Variants in PCDH11X observed in about 807,000 individuals in gnomAD.
PCDH11X encodes the protein protocadherin 11 X-linked, also known as protocadherin-11 X-linked.
In PCDH11X, 18 loss-of-function variants were observed where a neutral mutation model predicts 53.3. That is an observed-to-expected ratio of 0.34 (90% CI 0.23 to 0.50). The LOEUF is 0.50. PCDH11X is among the 20% of genes least tolerant of loss of function. The pLI is 0.98. For synonymous variants in PCDH11X, 279 were observed against 393.3 expected, an observed-to-expected ratio of 0.71 and a Z score of 3.44; for missense variants, 570 against 1,032.4, an observed-to-expected ratio of 0.55 and a Z score of 6.14.
At chrX:92,147,819 C>CTTTCTTTCTTTCTTTCTTTCTTTT (rs2065300378) in intron 6 of PCDH11X, among the ~76,000 whole-genome samples, 2 of 81,662 alleles carry the variant, frequency 2.4e-5, no homozygotes, top group Non-Finnish European at 4.2e-5. Context: ...TCCTTTCTTT[C>CTTTCTTTCTTTCTTTCTTTCTTTT]TTTCTTTCTT....
chrX:92,147,835 CTTTCTTTCTTTCTTTCTTTT>C (rs2065304682), intron 6 of PCDH11X, among the ~76,000 whole-genome samples: 1 of 89,269 alleles, frequency 1.1e-5, no homozygotes, highest in African/African-American at 5.6e-5. Flanking sequence ...TTCTTTCTTT[CTTTCTTTCTTTCTTTCTTTT>C]TTCTTTTCTC....
At chrX:92,104,487 C>A (rs145361955) in intron 6 of PCDH11X, among the ~76,000 whole-genome samples, 5,519 of 110,829 alleles carry the variant, frequency 0.05, 319 homozygotes, top group African/African-American at 0.16. Flanking sequence ...CATTTTACAA[C>A]AAGAATTATT....
At chrX:92,015,787 A>C (rs974097740) in intron 6 of PCDH11X, among the ~76,000 whole-genome samples, 2 of 111,844 alleles carry the variant, frequency 1.8e-5, no homozygotes, top group Admixed American at 1.9e-4. Flanking sequence ...ACCTTCTTCC[A>C]AGTTCTTGTC....
chrX:92,139,566 A>T (rs1337597657), intron 6 of PCDH11X, among the ~76,000 whole-genome samples: 1 of 109,925 alleles, frequency 9.1e-6, no homozygotes, highest in Non-Finnish European at 1.9e-5. Context: ...TAGGGCTAAA[A>T]CAAGTCTAAT....
intron 9 of PCDH11X, among the ~76,000 whole-genome samples, chrX:92,466,161 C>A (rs1247536205): frequency 2.7e-5 from 3 of 110,694 alleles, no homozygotes; most frequent in Non-Finnish European, 5.7e-5. Context: ...ATATTATATA[C>A]CTCGTCATTC....
intron 7 of PCDH11X, 129 bp from the exon 8 acceptor site, chrX:92,262,985 A>G (rs2049614086): frequency 3.0e-5 from 32 of 1,073,286 alleles, no homozygotes; most frequent in Non-Finnish European, 3.6e-5. Context: ...GTACCATTGC[A>G]CTGGGAATGT....
intron 10 of PCDH11X, among the ~76,000 whole-genome samples, chrX:92,505,152 C>CT (rs58620449): frequency 0.064 from 4,076 of 64,049 alleles, 134 homozygotes; most frequent in African/African-American, 0.16. Context: ...TTTCTTTTTT[C>CT]TTTTTTTTTT....
chrX:91,812,466 T>C (rs1225806198), intron 4 of PCDH11X, among the ~76,000 whole-genome samples: 1 of 111,126 alleles, frequency 9.0e-6, no homozygotes, highest in East Asian at 2.8e-4. Flanking sequence ...TCCCTCTACC[T>C]TTCATTCCTT....
At chrX:92,314,040 C>G (rs926703998) in intron 8 of PCDH11X, among the ~76,000 whole-genome samples, 2 of 111,341 alleles carry the variant, frequency 1.8e-5, no homozygotes, top group African/African-American at 6.5e-5. Context: ...ATTTTTCTTT[C>G]TTCAATAATA....
chrX:91,835,537 G>T lies in PCDH11X; in HGVS notation c.33G>T (p.Ala11=), dbSNP rs201918535. 3.3e-6 allele frequency: 4 copies of T among 1,208,832 alleles called. No homozygotes were observed. The highest frequency in any genetic ancestry group is 2.3e-4 in the Middle Eastern group (1 of 4,349). The change falls in exon 5 of 11, where the codon GCG becomes GCT. Residue 11 remains alanine, a synonymous_variant. Coordinates refer to ENST00000682573, the MANE Select transcript of PCDH11X (RefSeq NM_032968.5). MDLLSGTYIF[A]VLLACVVFHS... ...TGTTGTCCGGGACGTACATTTTCGC[G>T]GTCCTGCTAGCATGCGTGGTGTTCC...
At chrX:92,336,418 A>G (rs1019027334) in intron 8 of PCDH11X, among the ~76,000 whole-genome samples, 1 of 112,145 alleles carries the variant, frequency 8.9e-6, no homozygotes, top group Non-Finnish European at 1.9e-5. Flanking sequence ...GATAACAAAT[A>G]TATAAAACTG....
intron 6 of PCDH11X, among the ~76,000 whole-genome samples, chrX:92,139,495 C>A (rs765195429): frequency 9.2e-6 from 1 of 108,653 alleles, no homozygotes; most frequent in South Asian, 4.1e-4. Flanking sequence ...AGCTCCTGAC[C>A]TTGTGATCCA....
intron 9 of PCDH11X, among the ~76,000 whole-genome samples, chrX:92,421,651 G>A (rs903521027): frequency 1.1e-4 from 12 of 111,654 alleles, no homozygotes; most frequent in Admixed American, 8.6e-4. Flanking sequence ...TGGGTCAAAC[G>A]GTAATTCTAC....
intron 9 of PCDH11X, among the ~76,000 whole-genome samples, chrX:92,409,762 A>G (rs758011914): frequency 1.8e-5 from 2 of 112,121 alleles, no homozygotes; most frequent in South Asian, 7.3e-4. Flanking sequence ...TCTTAACTGT[A>G]TTTGATTCAC....
Position 92,148,169 on chromosome X carries a change from CTTCCTTCT to C in PCDH11X, c.3034-53202_3034-53195del, listed in dbSNP as rs1298219621. ...CCTTCCTTCCTTCCTTCCTTCCTTC[CTTCCTTCT>C]TTCTTTCTTTCTTTCTTTCTTTCTT... On this transcript the variant is annotated intron_variant, in intron 6 of 10. Transcript: ENST00000682573. Among the ~76,000 whole-genome samples, 43 of 16,690 alleles carry C rather than the reference CTTCCTTCT, an allele frequency of 2.6e-3. 4 individuals carry two copies. Among genetic ancestry groups the C allele is most frequent in the South Asian group, 5.9e-3 (3 of 505 alleles). The allele number at this position is 16,690 out of a possible 115,157, so 14.5% of individuals were successfully genotyped here.
At chrX:92,580,682 C>T (rs1481255687) in intron 10 of PCDH11X, among the ~76,000 whole-genome samples, 1 of 111,838 alleles carries the variant, frequency 8.9e-6, no homozygotes, top group Non-Finnish European at 1.9e-5. Context: ...AACCTGCTGC[C>T]ACTGGCCACA....
intron 10 of PCDH11X, among the ~76,000 whole-genome samples, chrX:92,556,475 G>C (rs1440002039): frequency 9.0e-6 from 1 of 111,578 alleles, no homozygotes; most frequent in Non-Finnish European, 1.9e-5. Context: ...CAGAACCTAT[G>C]CAAGTACAAA....
chrX:92,016,862 T>C (rs1427029933), intron 6 of PCDH11X, among the ~76,000 whole-genome samples: 1 of 110,550 alleles, frequency 9.0e-6, no homozygotes, highest in Non-Finnish European at 1.9e-5. Flanking sequence ...AGCCTAGTTT[T>C]CTGCCTATCT....
intron 10 of PCDH11X, among the ~76,000 whole-genome samples, chrX:92,522,954 A>T (rs1372342402): frequency 9.0e-6 from 1 of 111,460 alleles, no homozygotes; most frequent in Non-Finnish European, 1.9e-5. Flanking sequence ...TCAGCAGTTA[A>T]GATTTGGCCA....
Sources: gnomAD v4.1 joint callset for allele counts (sites outside exome capture counted in the v4.1 genomes callset) on GRCh38, gnomAD v4.1.1 for gene constraint, MANE v1.5 for transcripts, NCBI Gene and HGNC (gene_info 2026-07-23, HGNC 2026-07-21) for gene names.